SUMF1: variants seen among roughly 807,000 people sequenced by gnomAD.
The protein encoded by SUMF1 is formylglycine-generating enzyme.
SUMF1 carries 48 observed loss-of-function variants against 47.6 expected under a neutral mutation model. The observed-to-expected ratio is 1.01, with a 90% CI of 0.80 to 1.28. SUMF1 has a LOEUF of 1.28. Among genes scored for constraint, SUMF1 ranks in the 50% most tolerant of loss-of-function variants. The pLI is 0.00. For missense variants in SUMF1, 571 were observed against 485.4 expected, an observed-to-expected ratio of 1.18 and a Z score of -1.66; for synonymous variants, 230 against 192.1, an observed-to-expected ratio of 1.20 and a Z score of -1.63.
chr3:4,377,511 C>A (rs559377190), intron 7 of SUMF1, among the ~76,000 whole-genome samples: 1 of 152,104 alleles, frequency 6.6e-6, no homozygotes, highest in Middle Eastern at 3.2e-3. Context: ...CCACTGCGCT[C>A]CCACTTAGAG....
chr3:4,337,954 A>G (rs1699189787), intron 8 of SUMF1, among the ~76,000 whole-genome samples: 1 of 152,188 alleles, frequency 6.6e-6, no homozygotes, highest in Non-Finnish European at 1.5e-5. Flanking sequence ...CAAGGATAAA[A>G]AATCAAGGGC....
intron 3 of SUMF1, among the ~76,000 whole-genome samples, chr3:4,422,502 A>C (rs1352538677): frequency 6.6e-6 from 1 of 152,184 alleles, no homozygotes; most frequent in Non-Finnish European, 1.5e-5. Context: ...TAAAAAAAAA[A>C]AAAAACATGA....
intron 8 of SUMF1, among the ~76,000 whole-genome samples, chr3:4,289,393 G>A (rs1437988972): frequency 6.6e-6 from 1 of 152,166 alleles, no homozygotes; most frequent in Non-Finnish European, 1.5e-5. Context: ...GAGGAAAGAG[G>A]CTCCAAAGAG....
At chr3:4,255,913 ATCTC>A (rs954768069) in intron 8 of SUMF1, among the ~76,000 whole-genome samples, 5 of 110,806 alleles carry the variant, frequency 4.5e-5, no homozygotes, top group African/African-American at 2.1e-4. Context: ...ATAACAAACT[ATCTC>A]TCAGACCACA....
intron 7 of SUMF1, among the ~76,000 whole-genome samples, chr3:4,391,339 C>T (rs933504360): frequency 1.3e-5 from 2 of 152,030 alleles, no homozygotes; most frequent in African/African-American, 4.8e-5. Context: ...GGGAAATTTT[C>T]AGATTTTTCT....
intron 8 of SUMF1, among the ~76,000 whole-genome samples, chr3:4,166,377 T>C (rs1694706751): frequency 6.6e-6 from 1 of 152,124 alleles, no homozygotes; most frequent in Non-Finnish European, 1.5e-5. Context: ...TTTCTGAGAA[T>C]TCCCATATCC....
chr3:4,455,135 C>T (rs1305534409), intron 1 of SUMF1, among the ~76,000 whole-genome samples: 1 of 152,172 alleles, frequency 6.6e-6, no homozygotes, highest in Non-Finnish European at 1.5e-5. Context: ...GTCAGAAATA[C>T]ACTCTTTACA....
intron 8 of SUMF1, among the ~76,000 whole-genome samples, chr3:4,120,538 A>G (rs1307833247): frequency 6.6e-6 from 1 of 152,118 alleles, no homozygotes; most frequent in African/African-American, 2.4e-5. Context: ...GAAAATAATC[A>G]TGATACTGCC....
intron 8 of SUMF1, among the ~76,000 whole-genome samples, chr3:4,258,620 C>G (rs1417047681): frequency 2.0e-5 from 3 of 152,016 alleles, no homozygotes; most frequent in African/African-American, 7.3e-5. Context: ...ACAACAGGTG[C>G]TTGAGAGGAT....
At chr3:4,316,825 A>G (rs1410741363) in intron 8 of SUMF1, 1 of 1,550,600 alleles carries the variant, frequency 6.4e-7, no homozygotes, top group South Asian at 1.2e-5. Context: ...CTGATCCACT[A>G]CAGCTTTCTG....
chr3:4,311,568 A>C (rs1432464954), intron 8 of SUMF1, among the ~76,000 whole-genome samples: 1 of 152,236 alleles, frequency 6.6e-6, no homozygotes, highest in Admixed American at 6.5e-5. Flanking sequence ...TACTGAAAAA[A>C]GTCAATGCCA....
intron 8 of SUMF1, among the ~76,000 whole-genome samples, chr3:4,290,197 T>G (rs1446856961): frequency 6.6e-6 from 1 of 152,238 alleles, no homozygotes; most frequent in Non-Finnish European, 1.5e-5. Flanking sequence ...ATTTTCCATC[T>G]TTTGTCAAAC....
chr3:4,386,129 A>G (rs1036341450), intron 7 of SUMF1, among the ~76,000 whole-genome samples: 1 of 152,168 alleles, frequency 6.6e-6, no homozygotes, highest in African/African-American at 2.4e-5. Context: ...GCCTTTCCAT[A>G]TATATTTCAG....
At chr3:4,321,484 A>AG (rs1346183744) in intron 8 of SUMF1, among the ~76,000 whole-genome samples, 14 of 150,462 alleles carry the variant, frequency 9.3e-5, no homozygotes, top group Non-Finnish European at 1.8e-4. Context: ...AAAAAAAAAA[A>AG]AAAAAAAAAG....
At chr3:4,226,595 A>G (rs1696181119) in intron 8 of SUMF1, among the ~76,000 whole-genome samples, 1 of 151,944 alleles carries the variant, frequency 6.6e-6, no homozygotes, top group Non-Finnish European at 1.5e-5. Flanking sequence ...TCTCCGCAGC[A>G]CTTATATGAA....
intron 1 of SUMF1, among the ~76,000 whole-genome samples, chr3:4,453,827 C>T (rs1182804326): frequency 6.6e-6 from 1 of 152,004 alleles, no homozygotes; most frequent in Non-Finnish European, 1.5e-5. Context: ...AGCCACTGCG[C>T]CCGGCCAAGC....
chr3:4,428,610 T>A (rs1702139568), intron 3 of SUMF1, among the ~76,000 whole-genome samples: 1 of 152,190 alleles, frequency 6.6e-6, no homozygotes, highest in African/African-American at 2.4e-5. Flanking sequence ...CAACTCAGCC[T>A]CCCAAAGTGC....
chr3:4,117,959 A>T (rs1399629612), intron 8 of SUMF1, among the ~76,000 whole-genome samples: 1 of 151,922 alleles, frequency 6.6e-6, no homozygotes, highest in African/African-American at 2.4e-5. Flanking sequence ...ACTATTCCAA[A>T]CTTTTTTAAA....
intron 8 of SUMF1, among the ~76,000 whole-genome samples, chr3:4,074,603 T>C (rs188881214): frequency 1.2e-3 from 180 of 151,642 alleles, no homozygotes; most frequent in South Asian, 5.0e-3. Flanking sequence ...GCAAGACTAA[T>C]AAAGAAGAAA....
Sources: gnomAD v4.1 joint callset for allele counts (sites outside exome capture counted in the v4.1 genomes callset) on GRCh38, gnomAD v4.1.1 for gene constraint, MANE v1.5 for transcripts, NCBI Gene and HGNC (gene_info 2026-07-23, HGNC 2026-07-21) for gene names.